PCDH15: variants seen among roughly 807,000 people sequenced by gnomAD.
The protein encoded by PCDH15 is protocadherin-15.
PCDH15 carries 129 observed loss-of-function variants against 178.5 expected under a neutral mutation model. The observed-to-expected ratio is 0.72, with a 90% CI of 0.63 to 0.84. The LOEUF is 0.84. Ranked by LOEUF, PCDH15 falls within the 40% of genes least tolerant of loss-of-function variation. PCDH15 has a pLI of 0.00. For synonymous variants in PCDH15, 800 were observed against 732.0 expected (o/e 1.09, Z -1.50); for missense variants, 2,230 against 2,099.9 (o/e 1.06, Z -1.21).
At chr10:53,882,518 C>T (rs536000757) in intron 26 of PCDH15, among the ~76,000 whole-genome samples, 15 of 152,144 alleles carry the variant, frequency 9.9e-5, no homozygotes, top group Non-Finnish European at 1.6e-4. Context: ...CGCGCCACCA[C>T]GCATGGCTAA....
At chr10:55,264,353 C>T (rs984540827) in intron 1 of PCDH15, among the ~76,000 whole-genome samples, 9 of 152,068 alleles carry the variant, frequency 5.9e-5, no homozygotes, top group Non-Finnish European at 1.0e-4. Flanking sequence ...GGAGGCCTTG[C>T]TTCATGGCAT....
intron 3 of PCDH15, among the ~76,000 whole-genome samples, chr10:54,396,707 G>A (rs1951277042): frequency 1.3e-5 from 2 of 152,048 alleles, no homozygotes; most frequent in South Asian, 2.1e-4. Context: ...ATAACATAAA[G>A]TAGAAAAATA....
intron 2 of PCDH15, among the ~76,000 whole-genome samples, chr10:54,641,406 T>G (rs4935531): frequency 1.3e-5 from 2 of 151,980 alleles, no homozygotes; most frequent in Non-Finnish European, 2.9e-5. Flanking sequence ...ACTACTTTCT[T>G]TCTCAAAGTT....
chr10:54,852,541 T>C (rs534598482), intron 3 of PCDH15, among the ~76,000 whole-genome samples: 2 of 152,186 alleles, frequency 1.3e-5, no homozygotes, highest in Non-Finnish European at 2.9e-5. Flanking sequence ...AAAGAAACTG[T>C]GGTAAAGTGT....
At chr10:54,878,664 T>C (rs543337883) in intron 3 of PCDH15, among the ~76,000 whole-genome samples, 28 of 152,288 alleles carry the variant, frequency 1.8e-4, no homozygotes, top group African/African-American at 6.0e-4. Context: ...TATTTATTTA[T>C]ATTTTTTCTT....
intron 2 of PCDH15, among the ~76,000 whole-genome samples, chr10:55,078,461 T>G (rs1025841847): frequency 6.6e-6 from 1 of 152,148 alleles, no homozygotes; most frequent in African/African-American, 2.4e-5. Flanking sequence ...GTATATGTAG[T>G]CACTTTATGA....
chr10:53,897,022 G>A (rs764870017), intron 26 of PCDH15, among the ~76,000 whole-genome samples: 2 of 152,126 alleles, frequency 1.3e-5, no homozygotes, highest in Non-Finnish European at 2.9e-5. Context: ...ATCCCCCTCT[G>A]CACTCCTGTC....
At chr10:54,879,449 T>C (rs1434077894) in intron 3 of PCDH15, among the ~76,000 whole-genome samples, 4 of 152,106 alleles carry the variant, frequency 2.6e-5, no homozygotes, top group African/African-American at 9.7e-5. Flanking sequence ...TTTTAAATGA[T>C]ACTTAGAAAT....
intron 3 of PCDH15, among the ~76,000 whole-genome samples, chr10:54,442,173 A>G (rs1397382864): frequency 1.3e-5 from 2 of 150,934 alleles, no homozygotes; most frequent in African/African-American, 4.9e-5. Context: ...TTCCTACAGC[A>G]ACTTCTGGGA....
intron 1 of PCDH15, among the ~76,000 whole-genome samples, chr10:54,697,537 C>T (rs1405416944): frequency 3.8e-5 from 5 of 130,048 alleles, no homozygotes; most frequent in East Asian, 2.1e-4. Flanking sequence ...ATATATATAC[C>T]TCTTTACATG....
At chr10:54,784,337 TAAA>T (rs34935807) in intron 1 of PCDH15, among the ~76,000 whole-genome samples, 3 of 145,924 alleles carry the variant, frequency 2.1e-5, no homozygotes, top group Admixed American at 6.8e-5. Context: ...ATAATAATAA[TAAA>T]AAAAAAAAAG....
At chr10:54,232,128 C>G (rs2054139067) in intron 9 of PCDH15, among the ~76,000 whole-genome samples, 1 of 152,174 alleles carries the variant, frequency 6.6e-6, no homozygotes, top group Non-Finnish European at 1.5e-5. Flanking sequence ...AAATTGTAAT[C>G]TCCAATGTAG....
chr10:54,419,914 T>C (rs1758826), intron 3 of PCDH15, among the ~76,000 whole-genome samples: 99,927 of 151,860 alleles, frequency 0.66, 34,412 homozygotes, highest in African/African-American at 0.79. Context: ...GCTATTAGGA[T>C]GTAGAGAGCA....
At chr10:54,492,281 T>C (rs956245039) in intron 3 of PCDH15, among the ~76,000 whole-genome samples, 1 of 152,172 alleles carries the variant, frequency 6.6e-6, no homozygotes, top group African/African-American at 2.4e-5. Context: ...AGTAGAGAGA[T>C]GTGCTGAGAC....
chr10:54,356,507 T>C (rs977230567), intron 5 of PCDH15, among the ~76,000 whole-genome samples: 3 of 151,662 alleles, frequency 2.0e-5, no homozygotes, highest in Non-Finnish European at 4.4e-5. Flanking sequence ...TAGTATACAT[T>C]ATATATAATT....
chr10:55,195,616 C>T (rs11004772), intron 1 of PCDH15, among the ~76,000 whole-genome samples: 37 of 144,314 alleles, frequency 2.6e-4, no homozygotes, highest in Non-Finnish European at 4.6e-4. Flanking sequence ...GATTGCGCCA[C>T]TGCACTCCAG....
chr10:55,115,875 A>G (rs572637991), intron 2 of PCDH15, among the ~76,000 whole-genome samples: 1 of 152,318 alleles, frequency 6.6e-6, no homozygotes, highest in African/African-American at 2.4e-5. Context: ...CAGTAGCTCC[A>G]TCTTTCTTTT....
chr10:55,068,538 C>T (rs1841627059), intron 2 of PCDH15, among the ~76,000 whole-genome samples: 1 of 151,982 alleles, frequency 6.6e-6, no homozygotes, highest in African/African-American at 2.4e-5. Context: ...ATTCCTTCAG[C>T]TTTGTTTTAT....
At chr10:54,331,811 A>G (rs1014761396) in intron 6 of PCDH15, among the ~76,000 whole-genome samples, 1 of 152,056 alleles carries the variant, frequency 6.6e-6, no homozygotes, top group Non-Finnish European at 1.5e-5. Flanking sequence ...TGTGCCTCAG[A>G]GGAGGCTATG....
Sources: gnomAD v4.1 joint callset for allele counts (sites outside exome capture counted in the v4.1 genomes callset) on GRCh38, gnomAD v4.1.1 for gene constraint, MANE v1.5 for transcripts, NCBI Gene and HGNC (gene_info 2026-07-23, HGNC 2026-07-21) for gene names.